The following CLBA1 variants were observed in gnomAD, a reference collection of about 807,000 sequenced individuals.
The protein encoded by CLBA1 is uncharacterized protein CLBA1.
CLBA1 carries 30 observed loss-of-function variants against 28.8 expected under a neutral mutation model. The observed-to-expected ratio is 1.04, with a 90% confidence interval of 0.78 to 1.41. CLBA1 has a LOEUF of 1.41. Among genes scored for constraint, CLBA1 ranks in the 40% most tolerant of loss-of-function variants. CLBA1 has a pLI of 0.00. For missense variants in CLBA1, 451 were observed against 412.3 expected, an observed-to-expected ratio of 1.09 and a Z score of -0.81; for synonymous variants, 160 against 152.8, an observed-to-expected ratio of 1.05 and a Z score of -0.35.
rs762417141 is a variant in CLBA1 at position 104,986,734 on chromosome 14, C to T, written c.303C>T (p.Leu101=). The stretch of plus-strand genomic sequence containing the variant: ...AATTCTCACAGTCCCTTGAACTCCT[C>T]GAGGGACCCACAGAACCCCAGCCAC... ...SGQFSQSLEL[L]EGPTEPQPPR... is the part of the protein sequence containing the mutation. Residue 101 remains leucine, a synonymous_variant, in exon 1 of 5, where the codon CTC becomes CTT. Coordinates refer to ENST00000547315, the MANE Select transcript of CLBA1 (RefSeq NM_174891.4). The T allele has an allele frequency of 3.7e-5, 59 of 1,613,918 alleles. No homozygotes were observed. Among genetic ancestry groups the T allele is most frequent in the Middle Eastern group, 1.6e-4 (1 of 6,084 alleles).
At chr14:104,996,233 C>G (rs10873553), downstream of CLBA1, among the ~76,000 whole-genome samples, 119,350 of 152,220 alleles carry the variant, frequency 0.78, 46,989 homozygotes, top group Middle Eastern at 0.88. Context: ...GTGGCACCCA[C>G]TAGAGAAGAG....
chr14:104,996,034 C>T (rs182851191), downstream of CLBA1, among the ~76,000 whole-genome samples: 370 of 152,322 alleles, frequency 2.4e-3, no homozygotes, highest in Non-Finnish European at 4.0e-3. Flanking sequence ...AATACTCCAT[C>T]CTGCTCCTCC....
chr14:104,989,321 C>G (rs936916094), intron 2 of CLBA1: 1 of 497,708 alleles, frequency 2.0e-6, no homozygotes, highest in Non-Finnish European at 3.7e-6. Context: ...TCACCTGGAG[C>G]AGCTGGACCC....
At chr14:104,986,926 T>G in intron 1 of CLBA1, 72 bp downstream of exon 1, 1 of 1,510,880 alleles carries the variant, frequency 6.6e-7, no homozygotes, top group South Asian at 1.2e-5. Flanking sequence ...AGCCCTCGAA[T>G]GCTGTGGCGT....
Position 104,986,279 on chromosome 14 carries a change from G to C in CLBA1, c.-153G>C. 3 of 747,372 alleles carry C rather than the reference G, an allele frequency of 4.0e-6. No individual in the cohort carries two copies. The highest frequency in any genetic ancestry group is 6.4e-6 in the Non-Finnish European group (3 of 471,270). The allele number at this position is 747,372 out of a possible 1,614,324, so 46.3% of individuals were successfully genotyped here. A position where few individuals can be genotyped will look rare whatever the true frequency, so the allele number is the denominator to read the frequency against. On this transcript the variant is annotated 5_prime_UTR_variant, in exon 1 of 5. Transcript: ENST00000547315. ...CAGCAGCACGTGGGCACTTTCCACC[G>C]TCAGCCACTGGGCAGCCCGGGGCAC...
At chr14:104,995,835 TG>T (rs1239125717), downstream of CLBA1, among the ~76,000 whole-genome samples, 1 of 152,244 alleles carries the variant, frequency 6.6e-6, no homozygotes, top group East Asian at 1.9e-4. Context: ...TGTTTGTTTC[TG>T]GGTACCACAT....
rs1161207619 is a variant in CLBA1 at position 104,994,629 on chromosome 14, G to A, written c.848G>A (p.Arg283Lys). The A allele has an allele frequency of 4.3e-6, 7 of 1,612,798 alleles. No homozygotes were observed. Among genetic ancestry groups the A allele is most frequent in the South Asian group, 1.1e-5 (1 of 91,074 alleles). The change falls in exon 5 of 5, where the codon AGG (arginine) becomes AAG (lysine). Residue 283 changes from arginine (R) to lysine (K), a missense_variant. Physicochemically the swap from Arg to Lys is conservative, Grantham distance 26. Coordinates refer to ENST00000547315, the MANE Select transcript of CLBA1 (RefSeq NM_174891.4). ...LSGPPGSKQG[R>K]LMTCSRFLKT... ...GGGCCGCCTGGCAGCAAACAGGGGA[G>A]GCTGATGACATGCAGCCGCTTCCTG...
At position 104,994,600 on chromosome 14, in the gene CLBA1, C is replaced by T. The variant is rs935067167; in HGVS notation, c.819C>T (p.Leu273=). 60 of 1,606,370 alleles carry T rather than the reference C, an allele frequency of 3.7e-5. No individual in the cohort carries two copies. Among genetic ancestry groups the T allele is most frequent in the Non-Finnish European group, 4.7e-5 (56 of 1,179,028 alleles). The change falls in exon 5 of 5, where the codon CTC becomes CTT. Residue 273 remains leucine (L), a splice_region_variant and synonymous_variant. Coordinates refer to ENST00000547315, the MANE Select transcript of CLBA1 (RefSeq NM_174891.4). The stretch of plus-strand genomic sequence containing the variant: ...TGACTGCTGTCCTCTCATCTCAGCT[C>T]TCGGGGCCGCCTGGCAGCAAACAGG... ...QHCKALIQTK[L]SGPPGSKQGR...
intron 1 of CLBA1, 81 bp downstream of exon 1, chr14:104,986,935 G>A (rs914115808): frequency 2.4e-5 from 36 of 1,490,022 alleles, no homozygotes; most frequent in Non-Finnish European, 3.1e-5. Flanking sequence ...ATGCTGTGGC[G>A]TGCTGGCCAG....
In CLBA1 at chr14:104,986,168, C is replaced by G; in HGVS notation, c.-264C>G. Reference sequence around the variant, plus strand: ...CCTGCCGTGGGTCTGGTACGCGCCTCTGTGTCGGACTCCGCGCCCGCCTGC... The same window carrying G: ...CCTGCCGTGGGTCTGGTACGCGCCTGTGTGTCGGACTCCGCGCCCGCCTGC... On this transcript the variant is annotated 5_prime_UTR_variant, in exon 1 of 5. Transcript: ENST00000547315. 1.9e-6 allele frequency: 1 copy of G among 539,824 alleles called. No individual in the cohort carries two copies. Among genetic ancestry groups the G allele is most frequent in the Non-Finnish European group, 3.3e-6 (1 of 298,736 alleles). 33.4% of individuals were successfully genotyped at this position (539,824 alleles called of 1,614,324 possible). A position where few individuals can be genotyped will look rare whatever the true frequency, so the allele number is the denominator to read the frequency against.
At chr14:104,987,620 T>C (rs1413243629) in intron 1 of CLBA1, among the ~76,000 whole-genome samples, 2 of 119,692 alleles carry the variant, frequency 1.7e-5, no homozygotes, top group Non-Finnish European at 3.6e-5. Context: ...TTTTTTTTTT[T>C]TTTTTTTTTT....
intron 4 of CLBA1, chr14:104,994,342 G>A (rs564416157): frequency 7.1e-6 from 7 of 985,458 alleles, no homozygotes; most frequent in Middle Eastern, 5.2e-4. Context: ...CAGAGACCCC[G>A]CCTAAGATGT....
At chr14:105,000,633 G>T (rs1900249832) in intron 2 of CLBA1, among the ~76,000 whole-genome samples, 1 of 151,998 alleles carries the variant, frequency 6.6e-6, no homozygotes, top group African/African-American at 2.4e-5. Context: ...ACACACAAAT[G>T]ACCAACAGCT....
chr14:105,000,759 ATGG>A (rs1900252296), intron 2 of CLBA1, among the ~76,000 whole-genome samples: 1 of 152,152 alleles, frequency 6.6e-6, no homozygotes, highest in South Asian at 2.1e-4. Flanking sequence ...AATGTCGGTG[ATGG>A]TGTAGAGAAA....
rs759670448 is a variant in CLBA1, at chr14:104,986,458, AG to A, written c.28del (p.Glu10SerfsTer3). The A allele has an allele frequency of 2.9e-5, 46 of 1,612,278 alleles. No individual in the cohort carries two copies. Among genetic ancestry groups the A allele is most frequent in the Non-Finnish European group, 5.9e-6 (7 of 1,179,844 alleles). On this transcript the variant is annotated frameshift_variant, in exon 1 of 5. Transcript: ENST00000547315. LOFTEE classifies it high-confidence loss of function. Reference protein sequence around the residue: MQGRRELGGEPLSDLQEEAA... With the variant: MQGRRELGGXPLSDLQEEAA... ...TGCAAGGCCGGCGGGAGCTGGGGGG[AG>A]AGCCTTTGAGTGACCTCCAGGAGGA...
downstream of CLBA1, among the ~76,000 whole-genome samples, chr14:104,997,038 C>T (rs1443378637): frequency 6.6e-6 from 1 of 152,158 alleles, no homozygotes; most frequent in Non-Finnish European, 1.5e-5. Flanking sequence ...ACGTGAGCCA[C>T]AGTGAGCAGT....
Position 104,986,332 on chromosome 14 carries a change from G to C in CLBA1, c.-100G>C, listed in dbSNP as rs566372604. 7.6e-6 allele frequency: 10 copies of C among 1,321,840 alleles called. No homozygotes were observed. In the African/African-American group the frequency reaches 8.8e-5, roughly 12 times the overall value. The allele number at this position is 1,321,840 out of a possible 1,614,324, so 81.9% of individuals were successfully genotyped here. ...CTGCAGCGTCCCCTGGCCCTCTCCA[G>C]GGCAGGGGAAGGTTGGGCAGTCCTG... On this transcript the variant is annotated 5_prime_UTR_variant, in exon 1 of 5. Transcript: ENST00000547315.
Position 104,986,220 on chromosome 14 carries a change from G to C in CLBA1, c.-212G>C. On this transcript the variant is annotated 5_prime_UTR_variant, in exon 1 of 5. Coordinates refer to ENST00000547315, the MANE Select transcript of CLBA1 (RefSeq NM_174891.4). The stretch of plus-strand genomic sequence containing the variant: ...TGGGAGGAAGCCAGGACTCCCGGGC[G>C]ACCGGGCCATTCCTGTGGTTTGTGT... 1 of 599,886 alleles carries C rather than the reference G, an allele frequency of 1.7e-6. No homozygotes were observed. The highest frequency in any genetic ancestry group is 2.9e-6 in the Non-Finnish European group (1 of 340,544). The allele number at this position is 599,886 out of a possible 1,614,324, so 37.2% of individuals were successfully genotyped here.
chr14:104,993,158 T>G lies in CLBA1; in HGVS notation c.816+94T>G, dbSNP rs1247271353. 12 of 1,539,104 alleles carry G rather than the reference T, an allele frequency of 7.8e-6. No homozygotes were observed. In the South Asian group the frequency reaches 9.8e-5, roughly 13 times the overall value. The stretch of plus-strand genomic sequence containing the variant: ...CTTTCTCTGATGTGAGTCAGTTGCT[T>G]GTTTTCTTCCTTTAAGTCTTGTGGA... On this transcript the variant is annotated intron_variant, in intron 4 of 4. Coordinates refer to ENST00000547315, the MANE Select transcript of CLBA1 (RefSeq NM_174891.4).
Sources: allele counts gnomAD v4.1 joint callset (sites outside exome capture counted in the v4.1 genomes callset), GRCh38; gene constraint gnomAD v4.1.1; transcripts MANE v1.5; gene names NCBI Gene and HGNC (gene_info 2026-07-23, HGNC 2026-07-21).